Variants in CNTN3 observed in about 807,000 individuals in gnomAD.
The protein encoded by CNTN3 is contactin-3.
In CNTN3, 60 loss-of-function variants were observed where a neutral mutation model predicts 119.1. The observed-to-expected ratio is 0.50, with a 90% CI of 0.41 to 0.62. The LOEUF (loss-of-function observed/expected upper bound fraction) is 0.62, where lower values mean the gene tolerates loss of function less well. Ranked by LOEUF, CNTN3 falls within the 20% of genes least tolerant of loss-of-function variation. CNTN3 has a pLI of 0.00. For missense variants in CNTN3, 1,101 were observed against 1,242.4 expected (o/e 0.89, Z 1.71); for synonymous variants, 450 against 438.7 (o/e 1.03, Z -0.32).
intron 21 of CNTN3, among the ~76,000 whole-genome samples, chr3:74,266,908 G>A (rs907797310): frequency 5.9e-5 from 9 of 152,080 alleles, no homozygotes; most frequent in East Asian, 1.9e-4. Context: ...TATGAGGCTG[G>A]AGAGATAAGG....
chr3:74,400,581 G>A (rs539889075), intron 5 of CNTN3, among the ~76,000 whole-genome samples: 1 of 152,146 alleles, frequency 6.6e-6, no homozygotes, highest in East Asian at 1.9e-4. Context: ...GCCATCTTAG[G>A]TTTAAGAGTG....
At chr3:74,351,858 A>C (rs1406792671) in intron 11 of CNTN3, among the ~76,000 whole-genome samples, 2 of 152,156 alleles carry the variant, frequency 1.3e-5, no homozygotes, top group Non-Finnish European at 2.9e-5. Flanking sequence ...AAATCAGCTT[A>C]ATCTTCTCAT....
chr3:74,284,939 C>T (rs999317411), intron 20 of CNTN3, among the ~76,000 whole-genome samples: 1 of 152,108 alleles, frequency 6.6e-6, no homozygotes, highest in African/African-American at 2.4e-5. Flanking sequence ...CCTGATTCTT[C>T]GGCATTAATT....
At chr3:74,483,802 T>C (rs1449423788) in intron 4 of CNTN3, among the ~76,000 whole-genome samples, 1 of 152,056 alleles carries the variant, frequency 6.6e-6, no homozygotes, top group Non-Finnish European at 1.5e-5. Flanking sequence ...AAGACTAGCT[T>C]GTTAGCTCCT....
intron 5 of CNTN3, among the ~76,000 whole-genome samples, chr3:74,386,539 CACAAAA>C (rs1370205617): frequency 2.0e-5 from 3 of 152,114 alleles, no homozygotes; most frequent in Admixed American, 6.5e-5. Context: ...GAGACCCTGT[CACAAAA>C]ACAAAACAAA....
intron 13 of CNTN3, among the ~76,000 whole-genome samples, chr3:74,324,545 G>A (rs528921030): frequency 6.6e-6 from 1 of 152,296 alleles, no homozygotes; most frequent in Non-Finnish European, 1.5e-5. Flanking sequence ...GGTGAAACAA[G>A]ATGAAGTTCA....
intron 1 of CNTN3, among the ~76,000 whole-genome samples, chr3:74,537,805 T>C (rs1056663008): frequency 1.3e-5 from 2 of 152,038 alleles, no homozygotes; most frequent in African/African-American, 4.8e-5. Context: ...AACCAATATT[T>C]CCCAGAGATG....
chr3:74,586,350 C>G (rs1367872215), intron 1 of CNTN3, among the ~76,000 whole-genome samples: 2 of 152,032 alleles, frequency 1.3e-5, no homozygotes, highest in African/African-American at 4.8e-5. Flanking sequence ...ACATTGTACC[C>G]TATAAACTTC....
intron 13 of CNTN3, among the ~76,000 whole-genome samples, chr3:74,314,432 GAC>G (rs1236405157): frequency 2.6e-5 from 4 of 152,036 alleles, no homozygotes; most frequent in African/African-American, 9.7e-5. Flanking sequence ...TATATATGAA[GAC>G]ACACATAGAT....
At chr3:74,609,904 A>T (rs546291062) in intron 1 of CNTN3, among the ~76,000 whole-genome samples, 57 of 152,194 alleles carry the variant, frequency 3.7e-4, no homozygotes, top group Admixed American at 1.4e-3. Flanking sequence ...TATACTAAGC[A>T]TACCAAGGAA....
intron 8 of CNTN3, among the ~76,000 whole-genome samples, chr3:74,367,924 T>C (rs978419486): frequency 2.0e-5 from 3 of 152,026 alleles, no homozygotes; most frequent in Non-Finnish European, 4.4e-5. Context: ...AGCTAGAGTA[T>C]GAGAAAAGGT....
chr3:74,505,481 A>ATAT (rs1440948628), intron 2 of CNTN3, among the ~76,000 whole-genome samples: 1 of 149,398 alleles, frequency 6.7e-6, no homozygotes, highest in Non-Finnish European at 1.5e-5. Flanking sequence ...TATAAAATAT[A>ATAT]TATTTATATA....
chr3:74,333,733 C>T (rs188855631), intron 13 of CNTN3, among the ~76,000 whole-genome samples: 48 of 151,442 alleles, frequency 3.2e-4, no homozygotes, highest in African/African-American at 1.0e-3. Context: ...CAACTCAAAA[C>T]GCCATCCTTT....
chr3:74,600,660 G>T (rs1704895088), intron 1 of CNTN3, among the ~76,000 whole-genome samples: 5 of 152,042 alleles, frequency 3.3e-5, no homozygotes, highest in Admixed American at 3.3e-4. Context: ...CATGACCTCA[G>T]ATTTACCTTC....
chr3:74,500,125 C>T (rs184939198), intron 2 of CNTN3, among the ~76,000 whole-genome samples: 1 of 151,956 alleles, frequency 6.6e-6, no homozygotes, highest in Admixed American at 6.6e-5. Context: ...AGCCTTTTTG[C>T]CAAACTAAAG....
chr3:74,402,906 T>C (rs1705233235), intron 5 of CNTN3, among the ~76,000 whole-genome samples: 2 of 152,062 alleles, frequency 1.3e-5, no homozygotes, highest in South Asian at 4.1e-4. Flanking sequence ...GAACAGCTAA[T>C]GCAAGGGCCC....
chr3:74,427,807 C>A (rs886264017), intron 4 of CNTN3, among the ~76,000 whole-genome samples: 1 of 151,828 alleles, frequency 6.6e-6, no homozygotes, highest in African/African-American at 2.4e-5. Context: ...AAATAAAATA[C>A]CCAGGTAAAT....
intron 20 of CNTN3, among the ~76,000 whole-genome samples, chr3:74,272,371 C>A (rs1701794824): frequency 6.6e-6 from 1 of 152,114 alleles, no homozygotes; most frequent in Non-Finnish European, 1.5e-5. Context: ...AAATAAAGTT[C>A]ATAAGTTTTA....
At chr3:74,459,911 C>CT (rs2106970330) in intron 4 of CNTN3, among the ~76,000 whole-genome samples, 1 of 152,116 alleles carries the variant, frequency 6.6e-6, no homozygotes, top group African/African-American at 2.4e-5. Context: ...ACATCTGTAA[C>CT]TTTTTTCAGT....
Sources: allele counts gnomAD v4.1 joint callset (sites outside exome capture counted in the v4.1 genomes callset), GRCh38; gene constraint gnomAD v4.1.1; transcripts MANE v1.5; gene names NCBI Gene and HGNC (gene_info 2026-07-23, HGNC 2026-07-21).